Variants in C2CD3 observed in about 807,000 individuals in gnomAD.
C2CD3 encodes the protein C2 domain containing 3 centriole elongation regulator.
C2CD3 carries 148 observed loss-of-function variants against 234.0 expected under a neutral mutation model. That is an observed-to-expected ratio of 0.63 (90% CI 0.55 to 0.72). C2CD3 has a LOEUF of 0.72. Ranked by LOEUF, C2CD3 falls within the 30% of genes least tolerant of loss-of-function variation. C2CD3 has a pLI of 0.00. For synonymous variants in C2CD3, 1,000 were observed against 1,035.4 expected (o/e 0.97, Z 0.66); for missense variants, 2,577 against 2,811.5 (o/e 0.92, Z 1.89).
At chr11:74,036,979 G>A (rs1952779061) in intron 30 of C2CD3, among the ~76,000 whole-genome samples, 1 of 152,102 alleles carries the variant, frequency 6.6e-6, no homozygotes, top group South Asian at 2.1e-4. Flanking sequence ...GCTCCAAAGG[G>A]GTTTTTCAAA....
At chr11:74,106,277 C>A in intron 13 of C2CD3, 94 bp downstream of exon 13, 1 of 1,221,192 alleles carries the variant, frequency 8.2e-7, no homozygotes, top group South Asian at 1.4e-5. Context: ...AGATCAAAGA[C>A]CTTGCTTTTC....
chr11:74,164,071 G>C (rs1236786029), intron 2 of C2CD3: 2 of 477,946 alleles, frequency 4.2e-6, no homozygotes, highest in Non-Finnish European at 5.4e-6. Flanking sequence ...CCAATTATAA[G>C]TCCACTACAC....
intron 2 of C2CD3, among the ~76,000 whole-genome samples, chr11:74,164,600 T>G (rs1472813009): frequency 6.6e-6 from 1 of 152,214 alleles, no homozygotes; most frequent in East Asian, 1.9e-4. Context: ...CCTCAGAGCA[T>G]GCTTTCTAGT....
intron 4 of C2CD3, 50 bp from the exon 5 acceptor site, chr11:74,139,017 A>T (rs773510912): frequency 1.3e-6 from 2 of 1,484,860 alleles, no homozygotes. Context: ...CTATTATGGT[A>T]ACATTCTATT....
At chr11:74,144,156 C>A (rs1468868728) in intron 3 of C2CD3, among the ~76,000 whole-genome samples, 6 of 152,134 alleles carry the variant, frequency 3.9e-5, no homozygotes, top group Non-Finnish European at 8.8e-5. Context: ...AAGAAAAAAG[C>A]ATATTTCTTT....
intron 8 of C2CD3, among the ~76,000 whole-genome samples, chr11:74,119,200 G>A (rs751764835): frequency 1.1e-4 from 17 of 151,828 alleles, no homozygotes; most frequent in Non-Finnish European, 1.8e-4. Flanking sequence ...ATGAGCCACC[G>A]TACCCAGCCA....
At chr11:74,102,659 G>A (rs1956358042) in intron 14 of C2CD3, among the ~76,000 whole-genome samples, 2 of 152,028 alleles carry the variant, frequency 1.3e-5, no homozygotes, top group Admixed American at 6.6e-5. Context: ...CTTTGAGTGA[G>A]GAAGAAATTA....
chr11:74,101,981 T>A (rs796923138), intron 14 of C2CD3, among the ~76,000 whole-genome samples: 43 of 152,010 alleles, frequency 2.8e-4, no homozygotes, highest in African/African-American at 1.0e-3. Context: ...CATTGGTGCA[T>A]AAAGGAGGCA....
rs569048176 is a variant in C2CD3 at position 74,113,481 on chromosome 11, C to A, written c.1843+299G>T. 1.5e-5 allele frequency: 5 copies of A among 342,342 alleles called. No homozygotes were observed. The East Asian group carries it at 3.8e-4, about 26-fold the overall frequency. The allele number at this position is 342,342 out of a possible 1,614,324, so 21.2% of individuals were successfully genotyped here. On this transcript the variant is annotated intron_variant, in intron 11 of 32. Coordinates refer to ENST00000334126, the MANE Select transcript of C2CD3 (RefSeq NM_001286577.2). The stretch of plus-strand genomic sequence containing the variant: ...ATCACTTAAGGTCAGGGGTTTGAGA[C>A]CACCCTGGCCAACATGGTGAAACCC...
chr11:74,111,337 T>A (rs969300508), intron 11 of C2CD3, among the ~76,000 whole-genome samples: 16 of 152,150 alleles, frequency 1.1e-4, no homozygotes, highest in Admixed American at 7.2e-4. Flanking sequence ...ACTTTCTGAA[T>A]GCCAATATGA....
At chr11:74,050,930 C>G (rs189441791) in intron 26 of C2CD3, among the ~76,000 whole-genome samples, 1 of 151,358 alleles carries the variant, frequency 6.6e-6, no homozygotes, top group Non-Finnish European at 1.5e-5. Context: ...GACTGGAAAA[C>G]ATATTCCTCT....
chr11:74,023,325 C>T (rs1952164317), intron 32 of C2CD3, among the ~76,000 whole-genome samples: 1 of 152,224 alleles, frequency 6.6e-6, no homozygotes, highest in Admixed American at 6.5e-5. Context: ...GAGAAGAGCC[C>T]TGCAGCCTCT....
intron 7 of C2CD3, among the ~76,000 whole-genome samples, chr11:74,131,255 A>C (rs1037163888): frequency 6.6e-6 from 1 of 151,184 alleles, no homozygotes; most frequent in Non-Finnish European, 1.5e-5. Context: ...CCCAGGAGGC[A>C]GAGGTTGCAG....
intron 32 of C2CD3, among the ~76,000 whole-genome samples, chr11:74,014,290 G>A (rs1951801976): frequency 6.6e-6 from 1 of 152,168 alleles, no homozygotes; most frequent in Non-Finnish European, 1.5e-5. Flanking sequence ...GATAGGGGAG[G>A]GGGCAGTTCT....
At chr11:74,106,853 A>AATATATCT (rs1414132787) in intron 12 of C2CD3, among the ~76,000 whole-genome samples, 1 of 152,246 alleles carries the variant, frequency 6.6e-6, no homozygotes, top group Non-Finnish European at 1.5e-5. Flanking sequence ...TGTAAAATTT[A>AATATATCT]ATATATCTAA....
chr11:74,015,590 GTTTGT>G (rs758345492), intron 32 of C2CD3, among the ~76,000 whole-genome samples: 3 of 152,166 alleles, frequency 2.0e-5, no homozygotes, highest in Non-Finnish European at 4.4e-5. Flanking sequence ...GTAGGGAGAT[GTTTGT>G]TTTATGAGCC....
At chr11:74,150,858 T>C (rs908039191) in intron 3 of C2CD3, among the ~76,000 whole-genome samples, 8 of 152,154 alleles carry the variant, frequency 5.3e-5, no homozygotes, top group Non-Finnish European at 1.2e-4. Context: ...TCAGATTTTT[T>C]ACAATTGGTT....
intron 5 of C2CD3, among the ~76,000 whole-genome samples, chr11:74,136,851 T>C (rs1286164351): frequency 6.6e-6 from 1 of 151,832 alleles, no homozygotes; most frequent in Non-Finnish European, 1.5e-5. Context: ...CTAATGTAGG[T>C]TACAGGTTGA....
At chr11:74,019,465 T>C (rs1320428) in intron 32 of C2CD3, among the ~76,000 whole-genome samples, 11,942 of 152,200 alleles carry the variant, frequency 0.078, 1,469 homozygotes, top group African/African-American at 0.26. Flanking sequence ...GACTTGGTGG[T>C]TTAATGAAAT....
Sources: gnomAD v4.1 joint callset for allele counts (sites outside exome capture counted in the v4.1 genomes callset) on GRCh38, gnomAD v4.1.1 for gene constraint, MANE v1.5 for transcripts, NCBI Gene and HGNC (gene_info 2026-07-23, HGNC 2026-07-21) for gene names.